Variants in HLA-F observed in about 807,000 individuals in gnomAD.
HLA-F encodes major histocompatibility complex, class I, F.
HLA-F carries 46 observed loss-of-function variants against 49.5 expected under a neutral mutation model. The ratio of observed to expected loss-of-function variants is 0.93; its 90% CI spans 0.73 to 1.19. The LOEUF is 1.19. HLA-F is among the 50% of genes most tolerant of loss of function. The probability of loss-of-function intolerance (pLI) is 0.00; values close to 1 mark genes in which losing one functional copy is unlikely to be tolerated. For missense variants in HLA-F, 496 were observed against 579.6 expected, an observed-to-expected ratio of 0.86 and a Z score of 1.48; for synonymous variants, 203 against 233.5, an observed-to-expected ratio of 0.87 and a Z score of 1.19.
At position 29,724,212 on chromosome 6, in the gene HLA-F, G is replaced by A. The variant is rs1285242145; in HGVS notation, c.374G>A (p.Gly125Glu). 1 of 1,613,176 alleles carries A rather than the reference G, an allele frequency of 6.2e-7. No homozygotes were observed. Among genetic ancestry groups the A allele is most frequent in the East Asian group, 2.2e-5 (1 of 44,888 alleles). Residue 125 changes from glycine (G) to glutamate (E), a missense_variant, in exon 3 of 7, where the codon GGG (glycine) becomes GAG (glutamate). Coordinates refer to ENST00000259951, the MANE Select transcript of HLA-F (RefSeq NM_001098479.2). Reference sequence around the variant, plus strand: ...CAGGGAATGAATGGCTGCGACATGGGGCCCGACGGACGCCTCCTCCGCGGG... The same window carrying A: ...CAGGGAATGAATGGCTGCGACATGGAGCCCGACGGACGCCTCCTCCGCGGG... Reference protein sequence around the residue: ...TLQGMNGCDMGPDGRLLRGYH... With the variant: ...TLQGMNGCDMEPDGRLLRGYH...
intron 3 of HLA-F, among the ~76,000 whole-genome samples, chr6:29,734,079 AGGAAGAGCAACTGAGAACCCT>A (rs1438792732): frequency 6.6e-5 from 10 of 152,162 alleles, no homozygotes; most frequent in African/African-American, 2.4e-4. Flanking sequence ...ACACAACAGC[AGGAAGAGCAACTGAGAACCCT>A]GGAAGGTTCA....
At chr6:29,731,598 G>T (rs2127595587), downstream of HLA-F, among the ~76,000 whole-genome samples, 1 of 152,228 alleles carries the variant, frequency 6.6e-6, no homozygotes, top group Middle Eastern at 3.4e-3. Flanking sequence ...TGATTGGATT[G>T]TGGCTGCCCA....
chr6:29,724,005 C>G, intron 2 of HLA-F, 78 bp downstream of exon 2: 1 of 1,552,266 alleles, frequency 6.4e-7, no homozygotes, highest in East Asian at 2.4e-5. Flanking sequence ...TCAGAGTCTC[C>G]GGATCCGAAA....
chr6:29,724,137 G>A, intron 2 of HLA-F, 36 bp from the exon 3 acceptor site: 1 of 1,611,250 alleles, frequency 6.2e-7, no homozygotes, highest in Non-Finnish European at 8.5e-7. Flanking sequence ...AGGGGGCGGG[G>A]CTAGCTGGGC....
intron 3 of HLA-F, among the ~76,000 whole-genome samples, chr6:29,732,912 G>T (rs1181991849): frequency 1.3e-5 from 2 of 152,102 alleles, no homozygotes; most frequent in Non-Finnish European, 2.9e-5. Flanking sequence ...AATGGGCCAG[G>T]CGCCTTGGCT....
At chr6:29,736,565 A>G (rs1401411139) in intron 3 of HLA-F, 2 of 354,710 alleles carry the variant, frequency 5.6e-6, no homozygotes, top group African/African-American at 2.2e-5. Context: ...CAAAGTGAAC[A>G]CTCAGGTAAA....
At chr6:29,730,116 T>C (rs761928817), downstream of HLA-F, among the ~76,000 whole-genome samples, 6 of 152,234 alleles carry the variant, frequency 3.9e-5, no homozygotes, top group Non-Finnish European at 7.3e-5. Context: ...TGTACACTCA[T>C]GCTCGTAGCA....
chr6:29,734,216 C>T lies in HLA-F; in HGVS notation c.404-3906C>T, dbSNP rs141131443. On this transcript the variant is annotated intron_variant, in intron 3 of 4. Coordinates refer to the HLA-F transcript ENST00000465459. ...GGGAGGCAGATGGGTGAGTCAGCTA[C>T]GCATGAGGTGTATGGTGTTCCTAGA... 1.3e-3 allele frequency among the ~76,000 whole-genome samples: 202 copies of T among 152,308 alleles called. 5 individuals carry two copies. The highest frequency in any genetic ancestry group is 7.5e-3 in the Admixed American group (114 of 15,302).
At chr6:29,732,099 G>A (rs1776676464), downstream of HLA-F, among the ~76,000 whole-genome samples, 2 of 151,766 alleles carry the variant, frequency 1.3e-5, no homozygotes, top group Non-Finnish European at 2.9e-5. Context: ...GGGGTACCTA[G>A]GACTACAGGC....
chr6:29,724,967 C>T, intron 3 of HLA-F, 64 bp from the exon 4 acceptor site: 1 of 1,569,338 alleles, frequency 6.4e-7, no homozygotes, highest in South Asian at 1.2e-5. Flanking sequence ...AGGTTGGTCA[C>T]ATGGGTGCTG....
chr6:29,727,730 T>C (rs556794475), downstream of HLA-F, among the ~76,000 whole-genome samples: 54 of 152,154 alleles, frequency 3.5e-4, 1 homozygote, highest in Non-Finnish European at 6.5e-4. Flanking sequence ...TTCCCAGAGA[T>C]GCAGAACCAT....
At chr6:29,726,538 G>A (rs1562294351) in intron 6 of HLA-F, 1 of 1,518,248 alleles carries the variant, frequency 6.6e-7, no homozygotes, top group Non-Finnish European at 8.8e-7. Context: ...AGGTAGATAT[G>A]TTTTTATAGC....
At chr6:29,732,678 C>T (rs1232245978) in intron 3 of HLA-F, among the ~76,000 whole-genome samples, 1 of 151,924 alleles carries the variant, frequency 6.6e-6, no homozygotes, top group African/African-American at 2.4e-5. Flanking sequence ...GAATTCCTGA[C>T]CTCAAGTGAT....
intron 3 of HLA-F, among the ~76,000 whole-genome samples, chr6:29,732,875 T>C (rs1017896557): frequency 6.6e-6 from 1 of 152,018 alleles, no homozygotes; most frequent in African/African-American, 2.4e-5. Flanking sequence ...AAGATACCTA[T>C]AAAAATATAT....
At chr6:29,726,539 T>C in intron 6 of HLA-F, 1 of 1,519,584 alleles carries the variant, frequency 6.6e-7, no homozygotes, top group Non-Finnish European at 8.8e-7. Flanking sequence ...GGTAGATATG[T>C]TTTTATAGCA....
intron 6 of HLA-F, chr6:29,726,261 G>A: frequency 1.0e-6 from 1 of 977,056 alleles, no homozygotes; most frequent in Non-Finnish European, 1.7e-6. Context: ...GATGTGAGTG[G>A]GGTGTTGGGG....
At chr6:29,734,157 C>T (rs1245815124) in intron 3 of HLA-F, among the ~76,000 whole-genome samples, 2 of 152,136 alleles carry the variant, frequency 1.3e-5, no homozygotes. Flanking sequence ...GATGGATGGG[C>T]CAAGGTAATA....
At chr6:29,728,559 T>G (rs1489199607), downstream of HLA-F, 1 of 153,292 alleles carries the variant, frequency 6.5e-6, no homozygotes, top group Non-Finnish European at 1.5e-5. Context: ...TCACTGCTAG[T>G]GAAGTGCCAA....
chr6:29,725,246 CAG>C lies in HLA-F; in HGVS notation c.830_831del (p.Arg277IlefsTer59). 2 of 1,613,476 alleles carry C rather than the reference CAG, an allele frequency of 1.2e-6. No homozygotes were observed. On this transcript the variant is annotated frameshift_variant, in exon 4 of 7. Coordinates refer to ENST00000259951, the MANE Select transcript of HLA-F (RefSeq NM_001098479.2). LOFTEE classifies it high-confidence loss of function. ...TGTGGTGGTGCCTCCTGGAGAGGAA[CAG>C]AGATACACATGCCATGTGCAGCACG... Reference protein sequence around the residue: ...AAVVVPPGEEQRYTCHVQHEG... With the variant: ...AAVVVPPGEEXRYTCHVQHEG...
Sources: allele counts gnomAD v4.1 joint callset (sites outside exome capture counted in the v4.1 genomes callset), GRCh38; gene constraint gnomAD v4.1.1; transcripts MANE v1.5; gene names NCBI Gene and HGNC (gene_info 2026-07-23, HGNC 2026-07-21).